MAGI2: variants seen among roughly 807,000 people sequenced by gnomAD.
The protein encoded by MAGI2 is membrane associated guanylate kinase, WW and PDZ domain containing 2.
A neutral mutation model predicts 133.3 loss-of-function variants in MAGI2; 35 were observed. The ratio of observed to expected loss-of-function variants is 0.26; its 90% confidence interval spans 0.20 to 0.35. The LOEUF is 0.35. MAGI2 is among the 10% of genes least tolerant of loss of function. MAGI2 has a pLI of 1.00. For synonymous variants in MAGI2, 729 were observed against 710.6 expected (o/e 1.03, Z -0.41); for missense variants, 1,636 against 1,863.4 (o/e 0.88, Z 2.25).
intron 2 of MAGI2, among the ~76,000 whole-genome samples, chr7:78,659,926 T>C (rs1363482531): frequency 1.3e-5 from 2 of 152,158 alleles, no homozygotes. Context: ...ATTTTCACCA[T>C]GGAATACTAT....
intron 1 of MAGI2, among the ~76,000 whole-genome samples, chr7:79,162,567 C>T (rs1230388785): frequency 6.6e-6 from 1 of 151,960 alleles, no homozygotes; most frequent in African/African-American, 2.4e-5. Flanking sequence ...AGTTTAGTTG[C>T]CTTCTAAACT....
chr7:78,973,998 T>C (rs1804016788), intron 2 of MAGI2, among the ~76,000 whole-genome samples: 1 of 151,830 alleles, frequency 6.6e-6, no homozygotes, highest in Non-Finnish European at 1.5e-5. Flanking sequence ...CTGAACAGCA[T>C]CTTCCCTTTC....
chr7:78,856,789 A>G (rs1268451355), intron 2 of MAGI2, among the ~76,000 whole-genome samples: 3 of 152,168 alleles, frequency 2.0e-5, no homozygotes, highest in Non-Finnish European at 4.4e-5. Context: ...TTCTGTGAAG[A>G]AAGTCATTGG....
intron 6 of MAGI2, among the ~76,000 whole-genome samples, chr7:78,408,891 T>C (rs778702598): frequency 2.6e-5 from 4 of 152,104 alleles, no homozygotes; most frequent in Non-Finnish European, 5.9e-5. Flanking sequence ...ACATACATAG[T>C]TGTAGCTAAT....
intron 2 of MAGI2, among the ~76,000 whole-genome samples, chr7:78,973,310 G>T (rs1803948340): frequency 6.6e-6 from 1 of 151,488 alleles, no homozygotes; most frequent in Non-Finnish European, 1.5e-5. Flanking sequence ...TACTTCTTTT[G>T]CCTTGATTGG....
At chr7:78,557,097 A>AAAAAAAAAAAAAAAAAAAAAAAAAGAAAG (rs1554473311) in intron 3 of MAGI2, among the ~76,000 whole-genome samples, 18 of 138,970 alleles carry the variant, frequency 1.3e-4, no homozygotes, top group African/African-American at 5.4e-4. Flanking sequence ...AAAAAAAAAA[A>AAAAAAAAAAAAAAAAAAAAAAAAAGAAAG]AAAGAAAAAG....
At chr7:79,223,014 A>C (rs955927634) in intron 1 of MAGI2, among the ~76,000 whole-genome samples, 3 of 151,958 alleles carry the variant, frequency 2.0e-5, no homozygotes, top group African/African-American at 7.3e-5. Context: ...CCTCCCGAGT[A>C]GCTGGGACTA....
chr7:78,944,568 T>C (rs1247718812), intron 2 of MAGI2, among the ~76,000 whole-genome samples: 1 of 152,024 alleles, frequency 6.6e-6, no homozygotes, highest in East Asian at 1.9e-4. Context: ...TTCAAATCAT[T>C]AAATAAATAA....
chr7:78,483,941 C>T (rs1406259450), intron 6 of MAGI2, among the ~76,000 whole-genome samples: 3 of 151,836 alleles, frequency 2.0e-5, no homozygotes, highest in Non-Finnish European at 2.9e-5. Flanking sequence ...TTCCAAGGTG[C>T]TTTGCAAACA....
intron 4 of MAGI2, among the ~76,000 whole-genome samples, chr7:78,514,270 CCATTAT>C (rs1477761860): frequency 6.7e-6 from 1 of 150,268 alleles, no homozygotes; most frequent in Non-Finnish European, 1.5e-5. Flanking sequence ...AATATAATTA[CCATTAT>C]AATTATAAAA....
intron 21 of MAGI2, among the ~76,000 whole-genome samples, chr7:78,061,493 C>T (rs1446436857): frequency 6.6e-6 from 1 of 151,340 alleles, no homozygotes. Context: ...TTTGAGCCAA[C>T]CAGGAGGGTT....
At chr7:78,969,184 A>G (rs1562730852) in intron 2 of MAGI2, among the ~76,000 whole-genome samples, 2 of 152,028 alleles carry the variant, frequency 1.3e-5, no homozygotes, top group African/African-American at 4.8e-5. Context: ...ACCTGGTAGT[A>G]GCTGTATTTG....
At chr7:79,419,378 G>T (rs992919539) in intron 1 of MAGI2, among the ~76,000 whole-genome samples, 1 of 151,972 alleles carries the variant, frequency 6.6e-6, no homozygotes, top group African/African-American at 2.4e-5. Context: ...TAAGGGAAAA[G>T]GTCGATTACA....
At chr7:79,435,090 C>T (rs1848047310) in intron 1 of MAGI2, among the ~76,000 whole-genome samples, 1 of 152,280 alleles carries the variant, frequency 6.6e-6, no homozygotes, top group African/African-American at 2.4e-5. Context: ...ACATTGTTGA[C>T]TGATCCTGCA....
chr7:79,289,891 A>T (rs1054629731), intron 1 of MAGI2, among the ~76,000 whole-genome samples: 12 of 152,146 alleles, frequency 7.9e-5, no homozygotes, highest in Non-Finnish European at 1.6e-4. Context: ...AATTTAAAAA[A>T]TAAAAAGTAA....
intron 6 of MAGI2, among the ~76,000 whole-genome samples, chr7:78,386,002 C>CA (rs35155016): frequency 0.015 from 2,309 of 152,116 alleles, 55 homozygotes; most frequent in African/African-American, 0.053. Context: ...AACTTCCCCC[C>CA]CTAGCTCAAA....
At chr7:78,573,074 TATACAC>T (rs1163115140) in intron 3 of MAGI2, among the ~76,000 whole-genome samples, 1 of 75,470 alleles carries the variant, frequency 1.3e-5, no homozygotes, top group African/African-American at 6.4e-5. Context: ...TATATATATA[TATACAC>T]ACACACACAC....
chr7:78,096,939 C>A (rs1817745412), intron 20 of MAGI2, among the ~76,000 whole-genome samples: 1 of 152,096 alleles, frequency 6.6e-6, no homozygotes, highest in South Asian at 2.1e-4. Flanking sequence ...GGTCTAATAT[C>A]CAGCATCTAT....
Position 78,166,891 on chromosome 7 carries a change from G to A in MAGI2, c.2596+1025C>T, listed in dbSNP as rs189301198. 6.2e-4 allele frequency among the ~76,000 whole-genome samples: 94 copies of A among 152,230 alleles called. 1 individual carries two copies. The highest frequency in any genetic ancestry group is 2.7e-3 in the Admixed American group (42 of 15,282). On this transcript the variant is annotated intron_variant, in intron 15 of 21. Transcript: ENST00000354212. ...AAGAAATAAGCACTGGCCTTAGAGAGAAGAGTCCCTCTCTGCATTGTCACA... is the reference window on the plus strand; with the variant it reads ...AAGAAATAAGCACTGGCCTTAGAGAAAAGAGTCCCTCTCTGCATTGTCACA...
Sources: gnomAD v4.1 joint callset for allele counts (sites outside exome capture counted in the v4.1 genomes callset) on GRCh38, gnomAD v4.1.1 for gene constraint, MANE v1.5 for transcripts, NCBI Gene and HGNC (gene_info 2026-07-23, HGNC 2026-07-21) for gene names.